ADAMTS20: variants seen among roughly 807,000 people sequenced by gnomAD.
ADAMTS20 encodes the protein ADAM metallopeptidase with thrombospondin type 1 motif 20, also known as A disintegrin and metalloproteinase with thrombospondin motifs 20.
A neutral mutation model predicts 260.1 loss-of-function variants in ADAMTS20; 225 were observed. The ratio of observed to expected loss-of-function variants is 0.87; its 90% CI spans 0.78 to 0.97. ADAMTS20 has a LOEUF of 0.97. Ranked by LOEUF, ADAMTS20 falls within the 50% of genes least tolerant of loss-of-function variation. The probability of loss-of-function intolerance (pLI) is 0.00; values close to 1 mark genes in which losing one functional copy is unlikely to be tolerated. For synonymous variants in ADAMTS20, 802 were observed against 769.5 expected, an observed-to-expected ratio of 1.04 and a Z score of -0.70; for missense variants, 2,400 against 2,337.7, an observed-to-expected ratio of 1.03 and a Z score of -0.55.
At chr12:43,523,466 G>T (rs1049376361) in intron 3 of ADAMTS20, among the ~76,000 whole-genome samples, 3 of 152,116 alleles carry the variant, frequency 2.0e-5, no homozygotes, top group Non-Finnish European at 4.4e-5. Flanking sequence ...AGGTGGGGGT[G>T]GGGGGCAAGT....
At chr12:43,523,456 A>G (rs76453253) in intron 3 of ADAMTS20, among the ~76,000 whole-genome samples, 1,555 of 149,626 alleles carry the variant, frequency 0.01, 34 homozygotes, top group African/African-American at 0.036. Flanking sequence ...GGCCAGAACC[A>G]GGTGGGGGTG....
chr12:43,439,949 G>A lies in ADAMTS20; in HGVS notation c.2411C>T (p.Ala804Val), dbSNP rs148712219. 3.6e-5 allele frequency: 57 copies of A among 1,603,970 alleles called. No individual in the cohort carries two copies. In the African/African-American group the frequency reaches 6.9e-4, roughly 20 times the overall value. The part of the protein sequence containing the change: ...TVIEYSGSNN[A>V]VERINSTNRQ... ...ATTAGTACTATTAATTCTTTCAACT[G>A]CGTTATTTGATCCACTGTATTCAAT... Residue 804 changes from alanine (A) to valine (V), a missense_variant, in exon 17 of 39, where the codon GCA becomes GTA. Ala to Val is a moderately conservative substitution (Grantham distance 64). Transcript: ENST00000389420.
At chr12:43,409,253 A>G (rs1029845267) in intron 28 of ADAMTS20, among the ~76,000 whole-genome samples, 6 of 152,062 alleles carry the variant, frequency 3.9e-5, no homozygotes, top group Non-Finnish European at 7.4e-5. Context: ...TTAAATATTG[A>G]TAAAGTTTCC....
chr12:43,409,483 T>A (rs1940984467), intron 28 of ADAMTS20, among the ~76,000 whole-genome samples: 1 of 148,124 alleles, frequency 6.8e-6, no homozygotes, highest in East Asian at 2.0e-4. Flanking sequence ...GCGCCTGTAG[T>A]CCCAGCTACT....
Position 43,551,780 on chromosome 12 carries a change from C to T in ADAMTS20, c.91+51G>A. ...GTCCCCGCGACCTGCATGTCCCACT[C>T]GGGCCCCGCGCCCCCACTTAGCCGC... On this transcript the variant is annotated intron_variant, in intron 1 of 38. Transcript: ENST00000389420. This position sits in a 1 kb window ranked among gnomAD's most constrained non-coding sequence, Gnocchi z 4.6. 5.0e-6 allele frequency: 8 copies of T among 1,586,322 alleles called. No individual in the cohort carries two copies. In the South Asian group the frequency reaches 7.7e-5, roughly 15 times the overall value.
At chr12:43,361,128 G>A (rs1460522529) in intron 37 of ADAMTS20, among the ~76,000 whole-genome samples, 1 of 152,170 alleles carries the variant, frequency 6.6e-6, no homozygotes, top group Non-Finnish European at 1.5e-5. Context: ...CCTAAAGAGT[G>A]CCATATGTGT....
At chr12:43,548,514 T>C (rs1305820740) in intron 2 of ADAMTS20, among the ~76,000 whole-genome samples, 1 of 146,598 alleles carries the variant, frequency 6.8e-6, no homozygotes. Context: ...ACAAATGGAT[T>C]CTAAAATCTA....
At chr12:43,498,450 C>CAAAAATTATTTTTTCATCACTTTG (rs1277743737) in intron 4 of ADAMTS20, among the ~76,000 whole-genome samples, 1 of 152,118 alleles carries the variant, frequency 6.6e-6, no homozygotes, top group Non-Finnish European at 1.5e-5. Flanking sequence ...GCTCAACAGA[C>CAAAAATTATTTTTTCATCACTTTG]AAAAATTATT....
At position 43,375,470 on chromosome 12, in the gene ADAMTS20, C is replaced by A. The variant is rs1001641313; in HGVS notation, c.5355G>T (p.Arg1785Ser). 1.9e-6 allele frequency: 3 copies of A among 1,613,284 alleles called. No individual in the cohort carries two copies. The highest frequency in any genetic ancestry group is 2.5e-6 in the Non-Finnish European group (3 of 1,179,382). The change falls in exon 36 of 39, where the codon AGG becomes AGT. Residue 1785 changes from arginine (R) to serine (S), a missense_variant. Coordinates refer to ENST00000389420, the MANE Select transcript of ADAMTS20 (RefSeq NM_025003.5). ...GTCCATTGTCACATTCACAGTCTTC[C>A]CTTCTACTCCCATTAAAAGGACATT... Reference protein sequence around the residue: ...PYQCPFNGSRREDCECDNGHL... With the variant: ...PYQCPFNGSRSEDCECDNGHL...
chr12:43,410,534 C>G lies in ADAMTS20; in HGVS notation c.4285-11301G>C, dbSNP rs575212004. On this transcript the variant is annotated intron_variant, in intron 28 of 38. Transcript: ENST00000389420. ...CACACTGACATTACAGCACTGCTGA[C>G]TTAATCAAAATTGATTTGGAATTAA... Among the ~76,000 whole-genome samples the G allele has an allele frequency of 8.5e-5, 13 of 152,300 alleles. No individual in the cohort carries two copies. In the South Asian group the frequency reaches 2.7e-3, roughly 32 times the overall value.
Position 43,399,228 on chromosome 12 carries a change from T to G in ADAMTS20, c.4290A>C (p.Ser1430=), listed in dbSNP as rs370502271. The stretch of plus-strand genomic sequence containing the variant: ...ACTTTCTACCTTTACCACAAGAAGC[T>G]GAGCACTAGAAAAGAAATATGAATG... ...SWHQEPWTSC[S]ASCGKGRKYR... Residue 1430 remains serine, a synonymous_variant, in exon 29 of 39, where the codon TCA becomes TCC. Transcript: ENST00000389420. The G allele has an allele frequency of 7.2e-6, 11 of 1,519,672 alleles. No individual in the cohort carries two copies. The allele number at this position is 1,519,672 out of a possible 1,614,324, so 94.1% of individuals were successfully genotyped here. A position where few individuals can be genotyped will look rare whatever the true frequency, so the allele number is the denominator to read the frequency against.
intron 7 of ADAMTS20, among the ~76,000 whole-genome samples, chr12:43,478,039 C>T (rs534841584): frequency 1.3e-5 from 2 of 151,646 alleles, no homozygotes; most frequent in African/African-American, 2.4e-5. Flanking sequence ...AGAGAACATA[C>T]GTAAAAGAAG....
chr12:43,410,695 T>G (rs1941014769), intron 28 of ADAMTS20, among the ~76,000 whole-genome samples: 1 of 152,154 alleles, frequency 6.6e-6, no homozygotes, highest in South Asian at 2.1e-4. Flanking sequence ...GGATTAGAGA[T>G]TACTTCTAGG....
chr12:43,478,036 A>G (rs1344948065), intron 7 of ADAMTS20, among the ~76,000 whole-genome samples: 1 of 152,190 alleles, frequency 6.6e-6, no homozygotes, highest in Non-Finnish European at 1.5e-5. Context: ...ATAAGAGAAC[A>G]TACGTAAAAG....
chr12:43,452,232 T>G, intron 14 of ADAMTS20, 42 bp downstream of exon 14: 1 of 1,544,936 alleles, frequency 6.5e-7, no homozygotes, highest in Non-Finnish European at 8.7e-7. Flanking sequence ...ACATTATTCT[T>G]AAAGTCACTT....
At chr12:43,453,349 C>G (rs994314394) in intron 12 of ADAMTS20, among the ~76,000 whole-genome samples, 1 of 152,026 alleles carries the variant, frequency 6.6e-6, no homozygotes, top group Non-Finnish European at 1.5e-5. Flanking sequence ...ATATATACAA[C>G]AAAAACATTA....
chr12:43,507,788 C>T (rs188475415), intron 3 of ADAMTS20, among the ~76,000 whole-genome samples: 90 of 152,250 alleles, frequency 5.9e-4, no homozygotes, highest in African/African-American at 2.0e-3. Flanking sequence ...GGTATATATA[C>T]ACCATGGAAT....
At chr12:43,508,972 C>A (rs2137459637) in intron 3 of ADAMTS20, among the ~76,000 whole-genome samples, 1 of 152,194 alleles carries the variant, frequency 6.6e-6, no homozygotes, top group South Asian at 2.1e-4. Context: ...TCTCATTGTT[C>A]AACTCCCACT....
At chr12:43,505,043 G>A (rs551665748) in intron 3 of ADAMTS20, among the ~76,000 whole-genome samples, 1 of 152,248 alleles carries the variant, frequency 6.6e-6, no homozygotes, top group African/African-American at 2.4e-5. Context: ...TATATAGACT[G>A]ATGAACTGCA....
Sources: allele counts gnomAD v4.1 joint callset (sites outside exome capture counted in the v4.1 genomes callset), GRCh38; gene constraint gnomAD v4.1.1; non-coding constraint Gnocchi (gnomAD v3.1); transcripts MANE v1.5; gene names NCBI Gene and HGNC (gene_info 2026-07-23, HGNC 2026-07-21).